The following AFF2 variants were observed in gnomAD, a reference collection of about 807,000 sequenced individuals.
The protein encoded by AFF2 is ALF transcription elongation factor 2, also known as AF4/FMR2 family member 2.
In AFF2, 14 loss-of-function variants were observed where a neutral mutation model predicts 76.9. The ratio of observed to expected loss-of-function variants is 0.18; its 90% CI spans 0.12 to 0.28. AFF2 has a LOEUF of 0.28. AFF2 is among the 10% of genes least tolerant of loss of function. AFF2 has a pLI of 1.00. For synonymous variants in AFF2, 398 were observed against 366.7 expected, an observed-to-expected ratio of 1.09 and a Z score of -0.98; for missense variants, 868 against 1,001.1, an observed-to-expected ratio of 0.87 and a Z score of 1.79.
intron 1 of AFF2, among the ~76,000 whole-genome samples, chrX:148,623,930 G>C (rs1333261397): frequency 9.0e-6 from 1 of 110,975 alleles, no homozygotes; most frequent in Non-Finnish European, 1.9e-5. Flanking sequence ...CTACAGGGTT[G>C]GTAGAAGGTC....
At chrX:148,801,929 C>T (rs2070064630) in intron 3 of AFF2, among the ~76,000 whole-genome samples, 1 of 111,367 alleles carries the variant, frequency 9.0e-6, no homozygotes, top group Non-Finnish European at 1.9e-5. Context: ...CAGCTATGAT[C>T]GAGGATACAA....
chrX:148,906,317 T>G (rs1364382039), intron 9 of AFF2, among the ~76,000 whole-genome samples: 1 of 112,029 alleles, frequency 8.9e-6, no homozygotes, highest in Non-Finnish European at 1.9e-5. Flanking sequence ...TGCCCCCAGT[T>G]CAGCAGGAAG....
rs2052930333 is a variant in AFF2 at position 148,547,125 on chromosome X, A to G, written c.47+45981A>G. On this transcript the variant is annotated intron_variant, in intron 1 of 20. Transcript: ENST00000370460. ...AACATGACGGGAATTCAAAGAAAGTACTACTCCTTTCTTTCAGTGAAGGGT... is the reference window on the plus strand; with the variant it reads ...AACATGACGGGAATTCAAAGAAAGTGCTACTCCTTTCTTTCAGTGAAGGGT... The G allele has an allele frequency of 1.8e-5, 2 of 111,463 alleles. 1 individual carries two copies. The highest frequency in any genetic ancestry group is 1.9e-4 in the Admixed American group (2 of 10,449). 9.2% of individuals were successfully genotyped at this position (111,463 alleles called of 1,213,427 possible).
intron 3 of AFF2, among the ~76,000 whole-genome samples, chrX:148,725,017 T>C (rs1398568695): frequency 6.3e-5 from 7 of 110,997 alleles, no homozygotes; most frequent in African/African-American, 2.3e-4. Context: ...CAGGCAAGCA[T>C]ATAGGGTCAG....
intron 4 of AFF2, among the ~76,000 whole-genome samples, chrX:148,828,747 G>A: frequency 8.9e-6 from 1 of 111,873 alleles, no homozygotes; most frequent in South Asian, 3.8e-4. Flanking sequence ...TGCCCGAGGA[G>A]TAACTGGGCC....
intron 3 of AFF2, among the ~76,000 whole-genome samples, chrX:148,787,208 C>G (rs2069832067): frequency 9.0e-6 from 1 of 110,912 alleles, no homozygotes; most frequent in Admixed American, 9.6e-5. Flanking sequence ...GGTTTTTTAC[C>G]TAGTCCGTGT....
chrX:148,842,402 T>C (rs1213199585), intron 5 of AFF2, among the ~76,000 whole-genome samples: 2 of 112,905 alleles, frequency 1.8e-5, no homozygotes, highest in African/African-American at 6.4e-5. Flanking sequence ...TTTCTATACT[T>C]CGACAGACTT....
intron 1 of AFF2, among the ~76,000 whole-genome samples, chrX:148,612,895 G>T (rs2053748516): frequency 9.0e-6 from 1 of 111,424 alleles, no homozygotes; most frequent in Non-Finnish European, 1.9e-5. Flanking sequence ...GGAAAAAGGA[G>T]GTGGTCAATC....
At chrX:148,832,247 G>A (rs782385198) in intron 4 of AFF2, among the ~76,000 whole-genome samples, 152 of 112,100 alleles carry the variant, frequency 1.4e-3, no homozygotes, top group African/African-American at 4.8e-3. Context: ...CAGACACCAA[G>A]GTTAGTTACC....
At chrX:148,622,984 G>A (rs1258826410) in intron 1 of AFF2, among the ~76,000 whole-genome samples, 1 of 112,090 alleles carries the variant, frequency 8.9e-6, no homozygotes. Context: ...CAAGGAGGCT[G>A]ATGAAGATGA....
rs1057523435 is a variant in AFF2 at position 148,953,642 on chromosome X, C to T, written c.1460C>T (p.Ser487Phe). The T allele has an allele frequency of 8.3e-7, 1 of 1,209,815 alleles. No individual in the cohort carries two copies. The highest frequency in any genetic ancestry group is 1.1e-6 in the Non-Finnish European group (1 of 895,196). Residue 487 changes from serine (S) to phenylalanine (F), a missense_variant, in exon 10 of 21, where the codon TCC becomes TTC. Ser to Phe is a radical substitution (Grantham distance 155). This residue lies in a region of AFF2 where 532 missense variants were observed against 564.2 expected (regional missense o/e 0.94). Transcript: ENST00000370460. The stretch of plus-strand genomic sequence containing the variant: ...CAAGCCAGCGGGGGTTCTGGCAGCT[C>T]CAGCGAATCGGAGAGCAGCTCTGAG... ...AVQASGGSGS[S>F]SESESSSESD...
chrX:148,970,843 A>T (rs1212440648), intron 15 of AFF2, among the ~76,000 whole-genome samples: 1 of 112,047 alleles, frequency 8.9e-6, no homozygotes, highest in African/African-American at 3.2e-5. Context: ...GTCCTCACAA[A>T]GAGTTCTAAA....
chrX:148,662,288 C>A lies in AFF2; in HGVS notation c.561C>A (p.Asp187Glu), dbSNP rs201152809. Residue 187 changes from aspartate to glutamate, a missense_variant, in exon 3 of 21, where the codon GAC (aspartate) becomes GAA (glutamate). Physicochemically the swap from Asp to Glu is conservative, Grantham distance 45 (BLOSUM62 2). Around this residue, in one of 6 missense-constraint regions of AFF2, gnomAD observed 196 missense variants for 194.8 expected, o/e 1.01. Transcript: ENST00000370460. Reference protein sequence around the residue: ...QPNKMQTLTQDQSQAKLEDFF... With the variant: ...QPNKMQTLTQEQSQAKLEDFF... ...ACAAGATGCAGACTTTGACACAGGA[C>A]CAGTCTCAAGCCAAACTGGAAGACT... is the stretch of plus-strand genomic sequence containing the variant. 51 of 1,210,003 alleles carry A rather than the reference C, an allele frequency of 4.2e-5. No homozygotes were observed. The highest frequency in any genetic ancestry group is 5.4e-5 in the Non-Finnish European group (48 of 895,306).
intron 1 of AFF2, among the ~76,000 whole-genome samples, chrX:148,649,037 G>A (rs917500736): frequency 9.0e-6 from 1 of 111,371 alleles, no homozygotes; most frequent in African/African-American, 3.3e-5. Flanking sequence ...CAGGTTTTTG[G>A]CTTGAGCATT....
intron 3 of AFF2, among the ~76,000 whole-genome samples, chrX:148,716,124 T>C (rs1404956456): frequency 8.9e-6 from 1 of 112,025 alleles, no homozygotes; most frequent in African/African-American, 3.2e-5. Flanking sequence ...TGTACATATA[T>C]AGTAAGTGTT....
intron 1 of AFF2, among the ~76,000 whole-genome samples, chrX:148,615,906 C>T (rs1485949850): frequency 2.7e-5 from 3 of 111,675 alleles, no homozygotes; most frequent in South Asian, 3.7e-4. Flanking sequence ...CACTTACCTA[C>T]ATTAAGGCTC....
chrX:148,825,621 G>T, intron 4 of AFF2, among the ~76,000 whole-genome samples: 1 of 101,344 alleles, frequency 9.9e-6, no homozygotes, highest in Admixed American at 1.1e-4. Context: ...CCACTCCATA[G>T]TTCATAAGGC....
intron 2 of AFF2, among the ~76,000 whole-genome samples, chrX:148,658,314 G>T (rs2054273364): frequency 8.9e-6 from 1 of 112,062 alleles, no homozygotes; most frequent in African/African-American, 3.2e-5. Context: ...CATCACCAGT[G>T]AACTCAACCT....
chrX:148,860,752 T>C (rs2070838537), intron 7 of AFF2, among the ~76,000 whole-genome samples: 1 of 112,025 alleles, frequency 8.9e-6, no homozygotes, highest in Non-Finnish European at 1.9e-5. Flanking sequence ...ATATGGCTTT[T>C]CTACTCTCCT....
Sources: allele counts gnomAD v4.1 joint callset (sites outside exome capture counted in the v4.1 genomes callset), GRCh38; gene constraint gnomAD v4.1.1; regional missense constraint gnomAD v4.1.1; transcripts MANE v1.5; gene names NCBI Gene and HGNC (gene_info 2026-07-23, HGNC 2026-07-21).